Variants in EMID1 observed in about 807,000 individuals in gnomAD.
EMID1 encodes EMI domain containing 1, also known as EMI domain-containing protein 1.
Under a neutral mutation model 60.6 loss-of-function variants are expected in EMID1, and 40 were observed. The ratio of observed to expected loss-of-function variants is 0.66; its 90% CI spans 0.51 to 0.86. EMID1 has a LOEUF of 0.86. Ranked by LOEUF, EMID1 falls within the 40% of genes least tolerant of loss-of-function variation. EMID1 has a pLI of 0.00. For missense variants in EMID1, 585 were observed against 597.1 expected (o/e 0.98, Z 0.21); for synonymous variants, 242 against 231.0 (o/e 1.05, Z -0.43).
In EMID1 at chr22:29,233,676, TCTC is replaced by T. The variant is rs764001145; in HGVS notation, c.966+13_966+15del. The T allele has an allele frequency of 2.5e-6, 4 of 1,612,926 alleles. No individual in the cohort carries two copies. The highest frequency in any genetic ancestry group is 2.5e-6 in the Non-Finnish European group (3 of 1,179,138). ...GAGTCCTGGTCACATAGTGAGTAGT[TCTC>T]CTTGTACTCTCACCCATGTGTCTGT... On this transcript the variant is annotated intron_variant, in intron 10 of 14. Coordinates refer to ENST00000334018, the MANE Select transcript of EMID1 (RefSeq NM_133455.4).
intron 3 of EMID1, among the ~76,000 whole-genome samples, chr22:29,224,472 T>C (rs752065): frequency 0.059 from 9,002 of 152,128 alleles, 351 homozygotes; most frequent in African/African-American, 0.11. Context: ...TGAGGGGGGT[T>C]CTCCTCCGGT....
chr22:29,235,887 T>C (rs2040933484), intron 12 of EMID1, among the ~76,000 whole-genome samples: 1 of 146,514 alleles, frequency 6.8e-6, no homozygotes, highest in Admixed American at 7.1e-5. Context: ...CCTCCCTGGC[T>C]CAGGCAATCC....
At chr22:29,221,760 T>C (rs184473174) in intron 3 of EMID1, among the ~76,000 whole-genome samples, 13 of 152,362 alleles carry the variant, frequency 8.5e-5, no homozygotes, top group African/African-American at 2.9e-4. Flanking sequence ...AGGGTCGTTT[T>C]ACAACCTGCT....
chr22:29,248,464 C>T (rs1372012433), intron 13 of EMID1, among the ~76,000 whole-genome samples: 1 of 151,994 alleles, frequency 6.6e-6, no homozygotes, highest in Admixed American at 6.6e-5. Context: ...TCTGGAATAC[C>T]TCCTGAAGAA....
At position 29,231,102 on chromosome 22, in the gene EMID1, C is replaced by T; in HGVS notation, c.548C>T (p.Pro183Leu). 1 of 1,613,270 alleles carries T rather than the reference C, an allele frequency of 6.2e-7. No individual in the cohort carries two copies. Among genetic ancestry groups the T allele is most frequent in the Non-Finnish European group, 8.5e-7 (1 of 1,179,634 alleles). Residue 183 changes from proline (P) to leucine (L), a missense_variant, in exon 6 of 15, where the codon CCT becomes CTT. Coordinates refer to ENST00000334018, the MANE Select transcript of EMID1 (RefSeq NM_133455.4). ...PEDPAPLWGPPPAQGSPGDGG... is the reference protein window; with the variant it reads ...PEDPAPLWGPLPAQGSPGDGG... ...GACCCTGCCCCGCTCTGGGGTCCCC[C>T]TCCTGCCCAGGGCAGCCCCGGAGAT...
intron 5 of EMID1, 50 bp from the exon 6 acceptor site, chr22:29,230,970 G>A: frequency 6.4e-7 from 1 of 1,560,630 alleles, no homozygotes; most frequent in Non-Finnish European, 8.7e-7. Flanking sequence ...AAATAGGGAG[G>A]GGTCCTAGTG....
chr22:29,245,259 G>A (rs2041290279), intron 13 of EMID1, among the ~76,000 whole-genome samples: 1 of 152,180 alleles, frequency 6.6e-6, no homozygotes, highest in Non-Finnish European at 1.5e-5. Flanking sequence ...ACCCATGCAA[G>A]CCTGGCTCTC....
In EMID1 at chr22:29,254,285, A is replaced by C. The variant is rs1448175376; in HGVS notation, c.1202A>C (p.Tyr401Ser). 6.2e-7 allele frequency: 1 copy of C among 1,613,948 alleles called. No individual in the cohort carries two copies. The change falls in exon 14 of 15, where the codon TAT (tyrosine) becomes TCT (serine). Residue 401 changes from tyrosine (Y) to serine (S), a missense_variant and splice_region_variant. Physicochemically the swap from Tyr to Ser is moderately radical, Grantham distance 144. Coordinates refer to ENST00000334018, the MANE Select transcript of EMID1 (RefSeq NM_133455.4). ...VLILETMIGL[Y>S]EPELGSGAGP... ...ATCTTGGAAACAATGATTGGGCTCTATGGTGAGTAGAGACAGACAGACGGA... is the reference window on the plus strand; with the variant it reads ...ATCTTGGAAACAATGATTGGGCTCTCTGGTGAGTAGAGACAGACAGACGGA...
At position 29,215,042 on chromosome 22, in the gene EMID1, A is replaced by ACAG; in HGVS notation, c.215+3_215+4insCAG. 6.5e-7 allele frequency: 1 copy of ACAG among 1,530,948 alleles called. No individual in the cohort carries two copies. The highest frequency in any genetic ancestry group is 8.8e-7 in the Non-Finnish European group (1 of 1,132,992). The allele number at this position is 1,530,948 out of a possible 1,614,324, so 94.8% of individuals were successfully genotyped here. ...CCCATGAGCTGTCCGGGGAGCAGGT[A>ACAG]AATGAGGTGGAGAAGGAACTGATGG... On this transcript the variant is annotated splice_donor_region_variant and intron_variant, in intron 2 of 14. Transcript: ENST00000334018.
rs753733750 is a variant in EMID1, at chr22:29,231,149, C to A, written c.586+9C>A. The A allele has an allele frequency of 1.9e-6, 3 of 1,588,658 alleles. No individual in the cohort carries two copies. The highest frequency in any genetic ancestry group is 2.6e-6 in the Non-Finnish European group (3 of 1,169,368). ...AGATGGAGGCCTCCAGGGTGAGTGTCAGACTCAGACTCCCCTGTGGGAATG... is the reference window on the plus strand; with the variant it reads ...AGATGGAGGCCTCCAGGGTGAGTGTAAGACTCAGACTCCCCTGTGGGAATG... On this transcript the variant is annotated intron_variant, in intron 6 of 14. Coordinates refer to ENST00000334018, the MANE Select transcript of EMID1 (RefSeq NM_133455.4).
At chr22:29,252,570 G>C (rs2041567390) in intron 13 of EMID1, among the ~76,000 whole-genome samples, 1 of 152,160 alleles carries the variant, frequency 6.6e-6, no homozygotes, top group Non-Finnish European at 1.5e-5. Context: ...GGAGTGTGGA[G>C]CGTTGTCAAG....
intron 1 of EMID1, among the ~76,000 whole-genome samples, chr22:29,214,278 C>T (rs1294117664): frequency 6.6e-6 from 1 of 152,090 alleles, no homozygotes; most frequent in Non-Finnish European, 1.5e-5. Flanking sequence ...GGGCAGGGCA[C>T]CATCAGAACT....
intron 3 of EMID1, among the ~76,000 whole-genome samples, chr22:29,224,888 C>G (rs1279083247): frequency 6.6e-6 from 1 of 152,212 alleles, no homozygotes; most frequent in Non-Finnish European, 1.5e-5. Context: ...ATTGGGGAAG[C>G]CCTCAGCCTC....
chr22:29,258,751 C>A, intron 14 of EMID1, 66 bp from the exon 15 acceptor site: 1 of 1,589,306 alleles, frequency 6.3e-7, no homozygotes, highest in Non-Finnish European at 8.6e-7. Context: ...CCTAGAGGGC[C>A]AAGGGGAGGT....
chr22:29,214,155 G>T (rs1366034738), intron 1 of EMID1, among the ~76,000 whole-genome samples: 2 of 152,226 alleles, frequency 1.3e-5, no homozygotes, highest in African/African-American at 4.8e-5. Context: ...TTCCACGGAG[G>T]GGACATGGGA....
At chr22:29,225,019 CTG>C in intron 3 of EMID1, 112 bp from the exon 4 acceptor site, 2 of 1,053,918 alleles carry the variant, frequency 1.9e-6, no homozygotes, top group Non-Finnish European at 2.8e-6. Context: ...CTCTGGGCCT[CTG>C]TGTCCTACGC....
intron 2 of EMID1, 68 bp downstream of exon 2, chr22:29,215,107 G>A: frequency 2.0e-6 from 3 of 1,476,606 alleles, no homozygotes; most frequent in Non-Finnish European, 2.7e-6. Flanking sequence ...AGGCCTGGTT[G>A]GGGGACTGCA....
chr22:29,259,079 T>G lies in EMID1; in HGVS notation c.*135T>G. ...CCTTCTGCCATCTAGGCCTTAGGGGTAAGCAGGTCTCAGTCCTGGCACCAT... is the reference window on the plus strand; with the variant it reads ...CCTTCTGCCATCTAGGCCTTAGGGGGAAGCAGGTCTCAGTCCTGGCACCAT... On this transcript the variant is annotated 3_prime_UTR_variant, in exon 15 of 15. Transcript: ENST00000334018. 2 of 1,353,024 alleles carry G rather than the reference T, an allele frequency of 1.5e-6. No homozygotes were observed. Among genetic ancestry groups the G allele is most frequent in the South Asian group, 2.7e-5 (2 of 73,046 alleles). 83.8% of individuals were successfully genotyped at this position (1,353,024 alleles called of 1,614,324 possible). A position where few individuals can be genotyped will look rare whatever the true frequency, so the allele number is the denominator to read the frequency against.
intron 1 of EMID1, among the ~76,000 whole-genome samples, chr22:29,210,957 AGTGTGT>A (rs142157348): frequency 6.6e-6 from 1 of 151,660 alleles, no homozygotes; most frequent in Non-Finnish European, 1.5e-5. Flanking sequence ...ACATGTGAGA[AGTGTGT>A]GTGTGTGTAC....
Sources: allele counts gnomAD v4.1 joint callset (sites outside exome capture counted in the v4.1 genomes callset), GRCh38; gene constraint gnomAD v4.1.1; transcripts MANE v1.5; gene names NCBI Gene and HGNC (gene_info 2026-07-23, HGNC 2026-07-21).